FOXD4L1: variants seen among roughly 807,000 people sequenced by gnomAD.
FOXD4L1 encodes the protein forkhead box protein D4-like 1.
FOXD4L1 carries 10 observed loss-of-function variants against 24.8 expected under a neutral mutation model. That is an observed-to-expected ratio of 0.40 (90% CI 0.25 to 0.68). The LOEUF is 0.68. FOXD4L1 is among the 30% of genes least tolerant of loss of function. The pLI is 0.37. For missense variants in FOXD4L1, 364 were observed against 572.4 expected (o/e 0.64, Z 3.72); for synonymous variants, 159 against 256.4 (o/e 0.62, Z 3.63).
rs577424608 is a variant in FOXD4L1, at chr2:113,499,380, G to C, written c.124G>C (p.Glu42Gln). 3.1e-6 allele frequency: 5 copies of C among 1,610,010 alleles called. No individual in the cohort carries two copies. The African/African-American group carries it at 5.4e-5, about 17-fold the overall frequency. Residue 42 changes from glutamate to glutamine, a missense_variant, in exon 1 of 1, where the codon GAG (glutamate) becomes CAG (glutamine). Physicochemically the swap from Glu to Gln is conservative, Grantham distance 29. Coordinates refer to ENST00000306507, the Ensembl canonical transcript of FOXD4L1. ...GGAAGATGAAGACGAGGTGGAAGAC[G>C]AGGAGGAGGAGGCGAGCCAGAAGTT...
At chr2:113,500,455 C>G (rs1281391243) in exon 1 of FOXD4L1, 1 of 1,518,324 alleles carries the variant, frequency 6.6e-7, no homozygotes, top group Non-Finnish European at 8.9e-7. Flanking sequence ...GGCGCTGCTG[C>G]GGTATCAGGC....
exon 1 of FOXD4L1, chr2:113,498,947 G>A (rs3982975): frequency 7.0e-6 from 4 of 568,034 alleles, no homozygotes; most frequent in Middle Eastern, 4.7e-4. Flanking sequence ...TTCTCCGGAC[G>A]GTGTTTGCCC....
At chr2:113,499,284 C>T (rs778131639) in exon 1 of FOXD4L1, 2 of 1,593,258 alleles carry the variant, frequency 1.3e-6, no homozygotes, top group South Asian at 1.1e-5. Flanking sequence ...TGAGCGCCCT[C>T]GCTCCACACC....
At chr2:113,498,704 T>C (rs1345234028) in exon 1 of FOXD4L1, 2 of 211,298 alleles carry the variant, frequency 9.5e-6, no homozygotes, top group African/African-American at 2.4e-5. Flanking sequence ...CAAACAACCG[T>C]GTACATTTCA....
At chr2:113,498,677 G>A (rs1682374957) in exon 1 of FOXD4L1, 1 of 184,770 alleles carries the variant, frequency 5.4e-6, no homozygotes, top group African/African-American at 2.4e-5. Flanking sequence ...ATACTTTTAC[G>A]GTTACACATT....
Position 113,499,851 on chromosome 2 carries a change from C to A in FOXD4L1, c.595C>A (p.Arg199Ser), listed in dbSNP as rs1682406955. 1.3e-6 allele frequency: 2 copies of A among 1,570,524 alleles called. 1 individual carries two copies. The highest frequency in any genetic ancestry group is 2.8e-5 in the African/African-American group (2 of 72,260). The change falls in exon 1 of 1, where the codon CGT becomes AGT. Residue 199 changes from arginine to serine, a missense_variant. Physicochemically the swap from Arg to Ser is moderately radical, Grantham distance 110. Transcript: ENST00000306507. ...GTTCGACAATGGCAGCTTTCTCCGG[C>A]GTAGGAAGCGTTTCAAGCGCCACCA...
In FOXD4L1 at chr2:113,498,731, T is replaced by G. The variant is rs563787528; in HGVS notation, c.-526T>G. On this transcript the variant is annotated 5_prime_UTR_variant, in exon 1 of 1. Coordinates refer to ENST00000306507, the Ensembl canonical transcript of FOXD4L1. ...TACATTTCAGCCTCCTGCCCCACCA[T>G]TTCTTTTCTCCAGGAGGGAAGGCTG... 2.0e-4 allele frequency: 44 copies of G among 225,466 alleles called. 1 individual carries two copies. In the South Asian group the frequency reaches 3.5e-3, roughly 18 times the overall value. 14.0% of individuals were successfully genotyped at this position (225,466 alleles called of 1,614,324 possible).
chr2:113,499,582 C>G, exon 1 of FOXD4L1: 1 of 1,610,358 alleles, frequency 6.2e-7, no homozygotes, highest in Non-Finnish European at 8.5e-7. Flanking sequence ...GCAAAGCCCC[C>G]CTACTCGTAC....
exon 1 of FOXD4L1, chr2:113,499,230 C>T (rs1573815112): frequency 9.9e-6 from 16 of 1,611,804 alleles, no homozygotes; most frequent in African/African-American, 5.3e-5. Flanking sequence ...CCGCCACATC[C>T]CCTGCGACTG....
At position 113,500,385 on chromosome 2, in the gene FOXD4L1, C is replaced by A. The variant is rs1343004633; in HGVS notation, c.1129C>A (p.Arg377Ser). 3.3e-6 allele frequency: 5 copies of A among 1,519,396 alleles called. No homozygotes were observed. In the African/African-American group the frequency reaches 6.9e-5, roughly 21 times the overall value. The allele number at this position is 1,519,396 out of a possible 1,614,324, so 94.1% of individuals were successfully genotyped here. A position where few individuals can be genotyped will look rare whatever the true frequency, so the allele number is the denominator to read the frequency against. The change falls in exon 1 of 1, where the codon CGC (arginine) becomes AGC (serine). Residue 377 changes from arginine (R) to serine (S), a missense_variant. Coordinates refer to ENST00000306507, the Ensembl canonical transcript of FOXD4L1. The stretch of plus-strand genomic sequence containing the variant: ...AGCAGCAGCATCAGGAGGAGGACTG[C>A]GCCAACGGCTGCGCTCCCACCAAGG...
At chr2:113,500,102 G>A in exon 1 of FOXD4L1, 5 of 1,571,104 alleles carry the variant, frequency 3.2e-6, no homozygotes, top group Non-Finnish European at 3.4e-6. Flanking sequence ...GGGCACCGAA[G>A]AAAGCAGAAG....
chr2:113,499,675 G>C, exon 1 of FOXD4L1: 3 of 1,610,920 alleles, frequency 1.9e-6, no homozygotes, highest in Non-Finnish European at 2.5e-6. Flanking sequence ...ATTAGTGGCC[G>C]CTTCCCCTAC....
At chr2:113,499,081 G>A (rs1382874649) in exon 1 of FOXD4L1, 14 of 1,137,618 alleles carry the variant, frequency 1.2e-5, no homozygotes, top group Non-Finnish European at 1.7e-5. Context: ...AAAAGGCAAA[G>A]GCATCTTTGC....
At chr2:113,499,689 C>A (rs142136016) in exon 1 of FOXD4L1, 2 of 1,520,654 alleles carry the variant, frequency 1.3e-6, no homozygotes, top group African/African-American at 1.4e-5. Context: ...CCCCTACTAC[C>A]GCCGCAAGTT....
At chr2:113,500,494 C>G (rs749494950) in exon 1 of FOXD4L1, 1 of 1,517,064 alleles carries the variant, frequency 6.6e-7, no homozygotes, top group East Asian at 3.0e-5. Flanking sequence ...GCTGACATCG[C>G]TGGCTGCCCC....
chr2:113,499,173 A>T, exon 1 of FOXD4L1: 1 of 1,610,624 alleles, frequency 6.2e-7, no homozygotes, highest in South Asian at 1.1e-5. Flanking sequence ...TTCTTGCAAC[A>T]TTCATCCCAG....
exon 1 of FOXD4L1, chr2:113,499,851 C>T (rs1682406955): frequency 3.2e-6 from 5 of 1,570,636 alleles, no homozygotes; most frequent in Non-Finnish European, 3.5e-6. Context: ...CTTTCTCCGG[C>T]GTAGGAAGCG....
Position 113,499,751 on chromosome 2 carries a change from C to G in FOXD4L1, c.495C>G (p.Phe165Leu), listed in dbSNP as rs529091803. 1.9e-6 allele frequency: 3 copies of G among 1,604,070 alleles called. No homozygotes were observed. The highest frequency in any genetic ancestry group is 3.4e-5 in the Admixed American group (2 of 58,362). The change falls in exon 1 of 1, where the codon TTC becomes TTG. Residue 165 changes from phenylalanine (F) to leucine (L), a missense_variant. Coordinates refer to ENST00000306507, the Ensembl canonical transcript of FOXD4L1. ...ACAACCTCTCGCTGAACGACTGCTT[C>G]GTCAAGATCCCCCGCGAGCCGGGCC...
At position 113,499,405 on chromosome 2, in the gene FOXD4L1, TC is replaced by T; in HGVS notation, c.151del (p.Leu51Ter). ...GAGGAGGAGGAGGCGAGCCAGAAGT[TC>T]CTAGAGCAGTCGCTCCAGCCGGGGC... On this transcript the variant is annotated frameshift_variant, in exon 1 of 1. Transcript: ENST00000306507. LOFTEE classifies it high-confidence loss of function. 2 of 1,606,614 alleles carry T rather than the reference TC, an allele frequency of 1.2e-6. No homozygotes were observed. Among genetic ancestry groups the T allele is most frequent in the Non-Finnish European group, 1.7e-6 (2 of 1,178,118 alleles).
Sources: allele counts gnomAD v4.1 joint callset, GRCh38; gene constraint gnomAD v4.1.1; transcripts MANE v1.5; gene names NCBI Gene and HGNC (gene_info 2026-07-23, HGNC 2026-07-21).